The following SPINK8 variants were observed in gnomAD, a reference collection of about 807,000 sequenced individuals.
SPINK8 encodes the protein serine protease inhibitor Kazal-type 8.
SPINK8 carries 12 observed loss-of-function variants against 14.4 expected under a neutral mutation model. The ratio of observed to expected loss-of-function variants is 0.83; its 90% confidence interval spans 0.53 to 1.35. SPINK8 has a LOEUF of 1.35. Ranked by LOEUF, SPINK8 falls within the 40% of genes most tolerant of loss-of-function variation. The pLI is 0.00. For synonymous variants in SPINK8, 32 were observed against 37.6 expected (o/e 0.85, Z 0.55); for missense variants, 103 against 117.0 (o/e 0.88, Z 0.55).
intron 3 of SPINK8, 72 bp from the exon 4 acceptor site, chr3:48,328,426 A>G: frequency 9.3e-7 from 1 of 1,075,580 alleles, no homozygotes. Flanking sequence ...GAGATCCCTC[A>G]CTGACCAGGA....
At chr3:48,311,298 T>C (rs1282762497) in intron 6 of SPINK8, among the ~76,000 whole-genome samples, 1 of 152,036 alleles carries the variant, frequency 6.6e-6, no homozygotes, top group Non-Finnish European at 1.5e-5. Flanking sequence ...TACTCAATGG[T>C]GAAAGACTGA....
At chr3:48,327,081 G>C (rs1016120138) in intron 4 of SPINK8, among the ~76,000 whole-genome samples, 2 of 152,110 alleles carry the variant, frequency 1.3e-5, no homozygotes, top group African/African-American at 4.8e-5. Context: ...ATGGGTGCTG[G>C]GAAACCCAGC....
chr3:48,328,220 C>T, intron 4 of SPINK8, 55 bp downstream of exon 4: 1 of 1,435,360 alleles, frequency 7.0e-7, no homozygotes, highest in Non-Finnish European at 9.6e-7. Context: ...CTAATCTTCC[C>T]ATGATTCTAG....
At chr3:48,314,657 C>G (rs2107087937) in intron 6 of SPINK8, among the ~76,000 whole-genome samples, 1 of 152,292 alleles carries the variant, frequency 6.6e-6, no homozygotes, top group South Asian at 2.1e-4. Context: ...ATACTCAAAC[C>G]TCTCTTGGTG....
chr3:48,319,927 A>C (rs1248142128), intron 5 of SPINK8, among the ~76,000 whole-genome samples: 5 of 151,928 alleles, frequency 3.3e-5, no homozygotes, highest in Non-Finnish European at 5.9e-5. Context: ...GTGGATCACG[A>C]GGTCAGGAGA....
At chr3:48,314,779 A>C (rs558017943) in intron 6 of SPINK8, among the ~76,000 whole-genome samples, 67 of 152,196 alleles carry the variant, frequency 4.4e-4, no homozygotes, top group Non-Finnish European at 8.5e-4. Flanking sequence ...GTTAACCAAG[A>C]GCTTAAAAGT....
Position 48,323,040 on chromosome 3 carries a change from C to T in SPINK8, c.68-1966G>A, listed in dbSNP as rs1204577457. 2.0e-5 allele frequency among the ~76,000 whole-genome samples: 3 copies of T among 152,174 alleles called. No individual in the cohort carries two copies. The East Asian group carries it at 5.8e-4, about 29-fold the overall frequency. ...ATTTTACATTCCCATCAGCAAGGCACGATGGCTTCAATTTCTTCACATCTT... is the reference window on the plus strand; with the variant it reads ...ATTTTACATTCCCATCAGCAAGGCATGATGGCTTCAATTTCTTCACATCTT... On this transcript the variant is annotated intron_variant, in intron 4 of 7. Transcript: ENST00000434006.
chr3:48,325,421 G>A (rs988616818), intron 4 of SPINK8, among the ~76,000 whole-genome samples: 3 of 147,010 alleles, frequency 2.0e-5, no homozygotes, highest in Admixed American at 6.9e-5. Flanking sequence ...TTAATGTAAC[G>A]TTGTAATTTT....
At position 48,321,066 on chromosome 3, in the gene SPINK8, G is replaced by C; in HGVS notation, c.76C>G (p.Leu26Val). The C allele has an allele frequency of 6.3e-7, 1 of 1,583,646 alleles. No homozygotes were observed. Among genetic ancestry groups the C allele is most frequent in the African/African-American group, 1.3e-5 (1 of 74,470 alleles). ...MWMAFAIDFP[L>V]PMASERGQLD... ...TGACCTCTTTCAGAGGCCATAGGAAGGGGGAAGTCTGGAAGACAAAAGCAC... is the reference window on the plus strand; with the variant it reads ...TGACCTCTTTCAGAGGCCATAGGAACGGGGAAGTCTGGAAGACAAAAGCAC... The change falls in exon 5 of 8, where the codon CTT (leucine) becomes GTT (valine). Residue 26 changes from leucine to valine, a missense_variant. By Grantham distance (32) the Leu-to-Val change is conservative (BLOSUM62 1). Coordinates refer to ENST00000434006, the MANE Select transcript of SPINK8 (RefSeq NM_001080525.3).
At chr3:48,322,342 G>GA (rs1560018015) in intron 4 of SPINK8, among the ~76,000 whole-genome samples, 1 of 141,052 alleles carries the variant, frequency 7.1e-6, no homozygotes, top group Non-Finnish European at 1.6e-5. Flanking sequence ...GTTTCTTTTT[G>GA]TTTTTTTTTT....
At chr3:48,311,504 T>C (rs1290758880) in intron 6 of SPINK8, among the ~76,000 whole-genome samples, 1 of 152,120 alleles carries the variant, frequency 6.6e-6, no homozygotes, top group East Asian at 1.9e-4. Flanking sequence ...AAATAATTAA[T>C]ATAAAAATGA....
chr3:48,331,819 G>C (rs1425733298), intron 2 of SPINK8, among the ~76,000 whole-genome samples: 1 of 152,238 alleles, frequency 6.6e-6, no homozygotes, highest in African/African-American at 2.4e-5. Flanking sequence ...CTGGAGGACA[G>C]TTGTCTGGGA....
chr3:48,323,201 G>A (rs1357524291), intron 4 of SPINK8, among the ~76,000 whole-genome samples: 2 of 152,098 alleles, frequency 1.3e-5, no homozygotes. Flanking sequence ...CTGGAGTGCA[G>A]TGGCGTGATC....
At chr3:48,323,397 C>A (rs1176952377) in intron 4 of SPINK8, among the ~76,000 whole-genome samples, 1 of 152,134 alleles carries the variant, frequency 6.6e-6, no homozygotes, top group African/African-American at 2.4e-5. Flanking sequence ...CCACTCCTGG[C>A]CATATTGGTA....
intron 4 of SPINK8, 88 bp from the exon 5 acceptor site, chr3:48,321,162 A>C: frequency 7.5e-7 from 1 of 1,335,802 alleles, no homozygotes; most frequent in Admixed American, 2.3e-5. Flanking sequence ...CCTAGTTGGC[A>C]CACAGGAAGC....
At chr3:48,318,760 G>A (rs762647180) in intron 6 of SPINK8, among the ~76,000 whole-genome samples, 2 of 152,244 alleles carry the variant, frequency 1.3e-5, no homozygotes, top group Middle Eastern at 3.2e-3. Context: ...CTAAGAAGAG[G>A]AAGGGGAGAG....
intron 2 of SPINK8, among the ~76,000 whole-genome samples, chr3:48,329,655 A>T (rs1046598726): frequency 1.2e-4 from 18 of 152,182 alleles, no homozygotes; most frequent in Admixed American, 3.3e-4. Flanking sequence ...TGACTTATAG[A>T]GGTTCTATTT....
intron 6 of SPINK8, among the ~76,000 whole-genome samples, chr3:48,317,437 G>A (rs1043908907): frequency 3.3e-5 from 5 of 152,010 alleles, no homozygotes; most frequent in African/African-American, 7.3e-5. Flanking sequence ...GCAGTGAGCC[G>A]AGACCACAGT....
chr3:48,312,764 C>T (rs770541056), intron 6 of SPINK8, among the ~76,000 whole-genome samples: 15 of 151,304 alleles, frequency 9.9e-5, no homozygotes, highest in African/African-American at 2.4e-4. Flanking sequence ...TTTGGGAGGC[C>T]GAGGTAGGGG....
Sources: gnomAD v4.1 joint callset for allele counts (sites outside exome capture counted in the v4.1 genomes callset) on GRCh38, gnomAD v4.1.1 for gene constraint, MANE v1.5 for transcripts, NCBI Gene and HGNC (gene_info 2026-07-23, HGNC 2026-07-21) for gene names.